Variants in ELAC2 observed in about 807,000 individuals in gnomAD.
ELAC2 encodes the protein elaC ribonuclease Z 2.
ELAC2 carries 92 observed loss-of-function variants against 105.2 expected under a neutral mutation model. The ratio of observed to expected loss-of-function variants is 0.87; its 90% CI spans 0.74 to 1.04. ELAC2 has a LOEUF of 1.04. Among genes scored for constraint, ELAC2 ranks in the 50% least tolerant of loss-of-function variants. The pLI is 0.00. For synonymous variants in ELAC2, 468 were observed against 409.1 expected (o/e 1.14, Z -1.74); for missense variants, 1,099 against 1,071.7 (o/e 1.03, Z -0.36).
At chr17:13,005,243 C>T in intron 10 of ELAC2, 142 bp from the exon 11 acceptor site, 1 of 719,866 alleles carries the variant, frequency 1.4e-6, no homozygotes. Context: ...TTACACATCA[C>T]CATCAACACC....
rs889048587 is a variant in ELAC2, at chr17:12,991,709, G to A, written c.*1109C>T. 4 of 210,098 alleles carry A rather than the reference G, an allele frequency of 1.9e-5. No homozygotes were observed. Among genetic ancestry groups the A allele is most frequent in the Non-Finnish European group, 3.9e-5 (4 of 103,174 alleles). 13.0% of individuals were successfully genotyped at this position (210,098 alleles called of 1,614,324 possible). On this transcript the variant is annotated 3_prime_UTR_variant, in exon 24 of 24. Coordinates refer to ENST00000338034, the MANE Select transcript of ELAC2 (RefSeq NM_018127.7). Reference sequence around the variant, plus strand: ...TGGCCGTCAATCTCAAATGCACACCGGGATGGAGCCTGAAGGTCACCACCT... The same window carrying A: ...TGGCCGTCAATCTCAAATGCACACCAGGATGGAGCCTGAAGGTCACCACCT...
At chr17:13,000,365 G>A (rs1187440146) in intron 14 of ELAC2, 91 bp from the exon 15 acceptor site, 3 of 1,205,514 alleles carry the variant, frequency 2.5e-6, no homozygotes, top group African/African-American at 1.5e-5. Context: ...AATTCAGGGG[G>A]ACAATCTGCA....
At chr17:13,007,134 A>G (rs1007760361) in intron 8 of ELAC2, among the ~76,000 whole-genome samples, 3 of 152,018 alleles carry the variant, frequency 2.0e-5, no homozygotes, top group Non-Finnish European at 4.4e-5. Flanking sequence ...GAAAAAAAAA[A>G]AAACCCTAAT....
At position 13,002,322 on chromosome 17, in the gene ELAC2, C is replaced by T; in HGVS notation, c.1256G>A (p.Gly419Asp). ...GAGCTGGTACTTGAGGAGGCATTCA[C>T]CCTGAACCATGGGCACACTGAGGGT... ...GPTLSVPMVQ[G>D]ECLLKYQLRP... Residue 419 changes from glycine to aspartate, a missense_variant, in exon 14 of 24, where the codon GGT becomes GAT. Coordinates refer to ENST00000338034, the MANE Select transcript of ELAC2 (RefSeq NM_018127.7). The T allele has an allele frequency of 1.2e-6, 2 of 1,614,188 alleles. No homozygotes were observed. Among genetic ancestry groups the T allele is most frequent in the African/African-American group, 1.3e-5 (1 of 75,038 alleles).
At chr17:13,003,384 G>T in intron 12 of ELAC2, 95 bp downstream of exon 12, 1 of 1,137,082 alleles carries the variant, frequency 8.8e-7, no homozygotes, top group Non-Finnish European at 1.3e-6. Flanking sequence ...GGTGCAGAAG[G>T]GTAGGTAGCG....
chr17:13,014,558 C>T, intron 4 of ELAC2, 62 bp from the exon 5 acceptor site: 1 of 1,235,520 alleles, frequency 8.1e-7, no homozygotes, highest in Non-Finnish European at 1.2e-6. Flanking sequence ...AGCAACTATT[C>T]AAGTATTTAA....
Position 13,002,425 on chromosome 17 carries a change from C to T in ELAC2, c.1218+16G>A, listed in dbSNP as rs201351764. 909 of 1,613,660 alleles carry T rather than the reference C, an allele frequency of 5.6e-4. 1 individual carries two copies. The highest frequency in any genetic ancestry group is 8.2e-4 in the Middle Eastern group (5 of 6,062). Reference sequence around the variant, plus strand: ...GACGAGAGCTGGGCCGACAAGGGGCCGGTCTGAGACACTACCTTACAGCGG... The same window carrying T: ...GACGAGAGCTGGGCCGACAAGGGGCTGGTCTGAGACACTACCTTACAGCGG... On this transcript the variant is annotated intron_variant, in intron 13 of 23. Transcript: ENST00000338034.
In ELAC2 at chr17:13,015,749, T is replaced by C. The variant is rs1264974384; in HGVS notation, c.432+19A>G. ...AAAAGGAAAGATTGCTTTTGAAAGA[T>C]GTGTCAGGAAAGACTCACCAGTTGT... is the stretch of plus-strand genomic sequence containing the variant. On this transcript the variant is annotated intron_variant, in intron 4 of 23. Coordinates refer to ENST00000338034, the MANE Select transcript of ELAC2 (RefSeq NM_018127.7). 1.2e-6 allele frequency: 2 copies of C among 1,605,484 alleles called. No homozygotes were observed. The highest frequency in any genetic ancestry group is 1.7e-6 in the Non-Finnish European group (2 of 1,172,194).
Position 12,994,822 on chromosome 17 carries a change from A to G in ELAC2, c.1971T>C (p.Ser657=), listed in dbSNP as rs2040386777. 6 of 1,613,956 alleles carry G rather than the reference A, an allele frequency of 3.7e-6. No homozygotes were observed. The highest frequency in any genetic ancestry group is 2.2e-5 in the East Asian group (1 of 44,892). Residue 657 remains serine (S), a synonymous_variant, in exon 21 of 24, where the codon TCT becomes TCC. Coordinates refer to ENST00000338034, the MANE Select transcript of ELAC2 (RefSeq NM_018127.7). Reference sequence around the variant, plus strand: ...CCCCGGAATAGACCACTTTCCAGCCAGAGGTGTGCACCAGCGCACAGCCAA... The same window carrying G: ...CCCCGGAATAGACCACTTTCCAGCCGGAGGTGTGCACCAGCGCACAGCCAA... ...HAFGCALVHT[S]GWKVVYSGDT... is the part of the protein sequence containing the mutation.
chr17:13,017,503 CT>C (rs1200742663), intron 1 of ELAC2, 199 bp downstream of exon 1: 4 of 1,168,424 alleles, frequency 3.4e-6, no homozygotes, highest in Admixed American at 5.2e-5. Flanking sequence ...AGACCCAGGC[CT>C]GAAGTTCTTC....
At chr17:13,013,469 T>C (rs2041539974) in intron 5 of ELAC2, among the ~76,000 whole-genome samples, 194 bp from the exon 6 acceptor site, 1 of 152,222 alleles carries the variant, frequency 6.6e-6, no homozygotes, top group South Asian at 2.1e-4. Context: ...CAGCCATTTA[T>C]ATTTACTACA....
At chr17:13,006,686 G>C (rs2041127400) in intron 8 of ELAC2, 1 of 152,602 alleles carries the variant, frequency 6.6e-6, no homozygotes, top group Non-Finnish European at 1.5e-5. Context: ...AGAGCAACCA[G>C]CAAGCAAACT....
Position 13,005,752 on chromosome 17 carries a change from C to T in ELAC2, c.870+1G>A, listed in dbSNP as rs2041065500. ...TGAATCAAGAAAACCAGGCATCTCACCTCTCTTCCTTCATGAGTGATGCTT... is the reference window on the plus strand; with the variant it reads ...TGAATCAAGAAAACCAGGCATCTCATCTCTCTTCCTTCATGAGTGATGCTT... On this transcript the variant is annotated splice_donor_variant, in intron 10 of 23. Transcript: ENST00000338034. LOFTEE classifies it high-confidence loss of function. 3 of 1,614,176 alleles carry T rather than the reference C, an allele frequency of 1.9e-6. No individual in the cohort carries two copies. The highest frequency in any genetic ancestry group is 2.5e-6 in the Non-Finnish European group (3 of 1,180,032).
chr17:12,998,265 A>C, intron 16 of ELAC2, 147 bp downstream of exon 16: 1 of 789,090 alleles, frequency 1.3e-6, no homozygotes, highest in South Asian at 1.5e-5. Flanking sequence ...CAGTAAGGCC[A>C]CGCTCCTCTC....
rs1555570582 is a variant in ELAC2, at chr17:12,992,004, A to ACTC, written c.*811_*813dup. On this transcript the variant is annotated 3_prime_UTR_variant, in exon 24 of 24. Transcript: ENST00000338034. ...AACCTTCGAGGGCAAAGTGATCCTC[A>ACTC]CTCCTCTCAGTATGGAAGCAACAAC... Among the ~76,000 whole-genome samples the ACTC allele has an allele frequency of 6.6e-6, 1 of 152,026 alleles. No individual in the cohort carries two copies. Among genetic ancestry groups the ACTC allele is most frequent in the Non-Finnish European group, 1.5e-5 (1 of 68,004 alleles).
chr17:13,003,057 C>T (rs2040909811), intron 12 of ELAC2, among the ~76,000 whole-genome samples: 1 of 152,162 alleles, frequency 6.6e-6, no homozygotes, highest in Non-Finnish European at 1.5e-5. Flanking sequence ...CATCTACCTC[C>T]CAGGGCTGCT....
chr17:13,006,241 G>A (rs938379518), intron 8 of ELAC2: 32 of 439,652 alleles, frequency 7.3e-5, no homozygotes, highest in African/African-American at 5.2e-4. Context: ...GTGGTGGCAC[G>A]TGCCTGTAAT....
intron 1 of ELAC2, 97 bp from the exon 2 acceptor site, chr17:13,017,218 AAAAG>A: frequency 7.8e-7 from 1 of 1,276,256 alleles, no homozygotes; most frequent in Non-Finnish European, 1.1e-6. Context: ...GGAAAAAAAA[AAAAG>A]AAAAAAAAAT....
chr17:13,013,173 C>A (rs1280657938), intron 6 of ELAC2, 34 bp downstream of exon 6: 1 of 1,609,708 alleles, frequency 6.2e-7, no homozygotes, highest in Non-Finnish European at 8.5e-7. Flanking sequence ...AGGACGTACA[C>A]CCTCCTCCTG....
Sources: allele counts gnomAD v4.1 joint callset (sites outside exome capture counted in the v4.1 genomes callset), GRCh38; gene constraint gnomAD v4.1.1; transcripts MANE v1.5; gene names NCBI Gene and HGNC (gene_info 2026-07-23, HGNC 2026-07-21).